Variants in KIF1B observed in about 807,000 individuals in gnomAD.
KIF1B encodes the protein kinesin-like protein KIF1B.
In KIF1B, 76 loss-of-function variants were observed where a neutral mutation model predicts 241.9. The ratio of observed to expected loss-of-function variants is 0.31; its 90% CI spans 0.26 to 0.38. The LOEUF is 0.38. Ranked by LOEUF, KIF1B falls within the 10% of genes least tolerant of loss-of-function variation. The pLI is 1.00. For synonymous variants in KIF1B, 750 were observed against 796.7 expected, an observed-to-expected ratio of 0.94 and a Z score of 0.99; for missense variants, 1,622 against 2,271.4, an observed-to-expected ratio of 0.71 and a Z score of 5.81.
chr1:10,321,948 T>C, intron 24 of KIF1B, 91 bp downstream of exon 24: 1 of 1,426,958 alleles, frequency 7.0e-7, no homozygotes, highest in Non-Finnish European at 9.8e-7. Flanking sequence ...ACCTTTCCTT[T>C]GGGGGAACTC....
chr1:10,215,823 A>G (rs990240235), intron 1 of KIF1B, among the ~76,000 whole-genome samples: 3 of 152,176 alleles, frequency 2.0e-5, no homozygotes, highest in African/African-American at 7.2e-5. Context: ...TGGGAGGATT[A>G]AAGGCATGAG....
intron 1 of KIF1B, among the ~76,000 whole-genome samples, chr1:10,220,126 C>T (rs943377153): frequency 6.0e-5 from 9 of 149,844 alleles, no homozygotes; most frequent in African/African-American, 2.0e-4. Context: ...CACTTGAACC[C>T]GGGAGGTGGA....
chr1:10,329,135 A>T (rs576245880), intron 27 of KIF1B, among the ~76,000 whole-genome samples: 4 of 152,360 alleles, frequency 2.6e-5, no homozygotes, highest in African/African-American at 9.6e-5. Flanking sequence ...TAAAATACTT[A>T]TGGAGCTGTG....
chr1:10,296,729 T>A, intron 20 of KIF1B, 64 bp downstream of exon 20: 1 of 1,509,614 alleles, frequency 6.6e-7, no homozygotes, highest in Non-Finnish European at 9.2e-7. Context: ...CAACTCTAAT[T>A]TTTGGCTGTT....
chr1:10,364,280 C>T lies in KIF1B; in HGVS notation c.4367-820C>T, dbSNP rs965328493. Among the ~76,000 whole-genome samples the T allele has an allele frequency of 4.7e-5, 7 of 148,912 alleles. No homozygotes were observed. The South Asian group carries it at 1.5e-3, about 32-fold the overall frequency. ...AGTGTGGTGGCGCCATCTTGGCTCACTGCAACCTCTGCCTCCTGGGTTCAA... is the reference window on the plus strand; with the variant it reads ...AGTGTGGTGGCGCCATCTTGGCTCATTGCAACCTCTGCCTCCTGGGTTCAA... On this transcript the variant is annotated intron_variant, in intron 41 of 48. Coordinates refer to ENST00000676179, the MANE Select transcript of KIF1B (RefSeq NM_001365951.3).
intron 28 of KIF1B, 133 bp downstream of exon 28, chr1:10,334,771 T>A: frequency 2.7e-6 from 2 of 730,988 alleles, no homozygotes; most frequent in Non-Finnish European, 5.0e-6. Flanking sequence ...TACAGACACA[T>A]ACTTTGGAGA....
At chr1:10,310,600 G>A (rs1264726544) in intron 22 of KIF1B, among the ~76,000 whole-genome samples, 1 of 151,596 alleles carries the variant, frequency 6.6e-6, no homozygotes, top group Admixed American at 6.5e-5. Flanking sequence ...TGCCGACCCC[G>A]ATCTAGAAGA....
intron 43 of KIF1B, among the ~76,000 whole-genome samples, chr1:10,367,438 A>G (rs61778402): frequency 0.36 from 54,197 of 151,598 alleles, 9,822 homozygotes; most frequent in Admixed American, 0.39. Flanking sequence ...GTGCGGTGGC[A>G]CACGCCTGTA....
intron 15 of KIF1B, among the ~76,000 whole-genome samples, chr1:10,283,477 G>A (rs940838867): frequency 1.3e-5 from 2 of 152,186 alleles, no homozygotes; most frequent in East Asian, 1.9e-4. Flanking sequence ...TGTCAGGTTC[G>A]ATCTTATCTC....
Position 10,339,932 on chromosome 1 carries a change from A to C in KIF1B, c.3513+73A>C, listed in dbSNP as rs1231222328. The C allele has an allele frequency of 8.7e-6, 11 of 1,260,442 alleles. No homozygotes were observed. In the Admixed American group the frequency reaches 2.0e-4, roughly 23 times the overall value. 78.1% of individuals were successfully genotyped at this position (1,260,442 alleles called of 1,614,324 possible). A position where few individuals can be genotyped will look rare whatever the true frequency, so the allele number is the denominator to read the frequency against. On this transcript the variant is annotated intron_variant, in intron 32 of 48. Transcript: ENST00000676179. ...TGGCTTTCTCAGCCCGGGAAGGGTG[A>C]TAAGAAGAGGTACAAGTCACTGGCT...
intron 1 of KIF1B, among the ~76,000 whole-genome samples, chr1:10,214,515 C>G (rs1436050826): frequency 3.3e-5 from 5 of 151,004 alleles, no homozygotes; most frequent in Non-Finnish European, 7.4e-5. Flanking sequence ...GTCTCGAACT[C>G]CTGACCTTCT....
In KIF1B at chr1:10,261,292, C is replaced by CA. The variant is rs1249544945; in HGVS notation, c.364-612dup. Among the ~76,000 whole-genome samples the CA allele has an allele frequency of 7.6e-5, 10 of 132,220 alleles. No individual in the cohort carries two copies. The Admixed American group carries it at 8.1e-4, about 11-fold the overall frequency. 86.7% of individuals were successfully genotyped at this position (132,220 alleles called of 152,430 possible). A position where few individuals can be genotyped will look rare whatever the true frequency, so the allele number is the denominator to read the frequency against. Reference sequence around the variant, plus strand: ...CAAATTTTTTTTTTTTTTTTTTAGACAGAGTTTCACTCCTCTTGCCCAGGC... The same window carrying CA: ...CAAATTTTTTTTTTTTTTTTTTAGACAAGAGTTTCACTCCTCTTGCCCAGGC... On this transcript the variant is annotated intron_variant, in intron 4 of 48. Transcript: ENST00000676179.
intron 2 of KIF1B, among the ~76,000 whole-genome samples, chr1:10,248,475 A>G (rs2102164920): frequency 6.6e-6 from 1 of 152,296 alleles, no homozygotes; most frequent in Middle Eastern, 3.4e-3. Flanking sequence ...TGCTGAGATT[A>G]CAAGTGTGAG....
chr1:10,321,739 C>G lies in KIF1B; in HGVS notation c.2240C>G (p.Ala747Gly), dbSNP rs1050061684. 1 of 1,614,100 alleles carries G rather than the reference C, an allele frequency of 6.2e-7. No individual in the cohort carries two copies. The highest frequency in any genetic ancestry group is 1.3e-5 in the African/African-American group (1 of 75,046). Residue 747 changes from alanine to glycine, a missense_variant, in exon 24 of 49, where the codon GCC becomes GGC. Coordinates refer to ENST00000676179, the MANE Select transcript of KIF1B (RefSeq NM_001365951.3). ...VPWTQHEFEL[A>G]QWAFRKWKSH... ...TGGACACAGCATGAATTTGAGTTGGCCCAATGGGCCTTCCGGAAATGGAAG... is the reference window on the plus strand; with the variant it reads ...TGGACACAGCATGAATTTGAGTTGGGCCAATGGGCCTTCCGGAAATGGAAG...
chr1:10,301,102 C>G (rs954558673), intron 22 of KIF1B, among the ~76,000 whole-genome samples: 2 of 152,018 alleles, frequency 1.3e-5, no homozygotes, highest in African/African-American at 2.4e-5. Flanking sequence ...GCAGGAAGAT[C>G]ACTTGAGCGC....
In KIF1B at chr1:10,377,927, C is replaced by A; in HGVS notation, c.*1340C>A. On this transcript the variant is annotated 3_prime_UTR_variant, in exon 49 of 49. Transcript: ENST00000676179. Reference sequence around the variant, plus strand: ...CTCCAGCCTGGGTGACAGAGCAAGACTCTGCCTCAGAAAAAAAAAAAAATA... The same window carrying A: ...CTCCAGCCTGGGTGACAGAGCAAGAATCTGCCTCAGAAAAAAAAAAAAATA... 4.7e-6 allele frequency: 1 copy of A among 210,998 alleles called. No individual in the cohort carries two copies. Among genetic ancestry groups the A allele is most frequent in the Non-Finnish European group, 9.7e-6 (1 of 103,560 alleles). The allele number at this position is 210,998 out of a possible 1,614,324, so 13.1% of individuals were successfully genotyped here.
chr1:10,243,167 T>TG (rs1647161977), intron 2 of KIF1B, among the ~76,000 whole-genome samples: 1 of 152,082 alleles, frequency 6.6e-6, no homozygotes, highest in Non-Finnish European at 1.5e-5. Flanking sequence ...CTGTAATCCC[T>TG]GCACTTTGGG....
At position 10,313,740 on chromosome 1, in the gene KIF1B, C is replaced by T. The variant is rs541650453; in HGVS notation, c.2116-6303C>T. ...TAATTTTTTGTAGTTTTAGTAGAGA[C>T]GGGGTTTCACCGTGTTAGCCAGGAT... On this transcript the variant is annotated intron_variant, in intron 22 of 48. Coordinates refer to ENST00000676179, the MANE Select transcript of KIF1B (RefSeq NM_001365951.3). 2.2e-3 allele frequency among the ~76,000 whole-genome samples: 332 copies of T among 150,672 alleles called. 1 individual carries two copies. The highest frequency in any genetic ancestry group is 4.0e-3 in the Non-Finnish European group (270 of 67,896).
At chr1:10,267,157 T>C (rs1648510960) in intron 5 of KIF1B, among the ~76,000 whole-genome samples, 1 of 152,142 alleles carries the variant, frequency 6.6e-6, no homozygotes, top group Non-Finnish European at 1.5e-5. Flanking sequence ...TAGCTGAGAC[T>C]ACAGGCATGT....
Sources: gnomAD v4.1 joint callset for allele counts (sites outside exome capture counted in the v4.1 genomes callset) on GRCh38, gnomAD v4.1.1 for gene constraint, MANE v1.5 for transcripts, NCBI Gene and HGNC (gene_info 2026-07-23, HGNC 2026-07-21) for gene names.